DMXL1: variants seen among roughly 807,000 people sequenced by gnomAD.
DMXL1 encodes Dmx like 1.
Under a neutral mutation model 319.2 loss-of-function variants are expected in DMXL1, and 99 were observed. The ratio of observed to expected loss-of-function variants is 0.31; its 90% confidence interval spans 0.26 to 0.37. The LOEUF (loss-of-function observed/expected upper bound fraction) is 0.37. Ranked by LOEUF, DMXL1 falls within the 10% of genes least tolerant of loss-of-function variation. The pLI is 1.00. For missense variants in DMXL1, 3,745 were observed against 3,595.6 expected (o/e 1.04, Z -1.06); for synonymous variants, 1,385 against 1,235.2 (o/e 1.12, Z -2.54).
intron 1 of DMXL1, among the ~76,000 whole-genome samples, chr5:119,081,003 C>G (rs953648691): frequency 3.3e-5 from 5 of 152,194 alleles, no homozygotes; most frequent in Non-Finnish European, 5.9e-5. Flanking sequence ...AGATGATCTT[C>G]CTATTTGTAG....
intron 3 of DMXL1, among the ~76,000 whole-genome samples, chr5:119,102,975 T>C (rs557607885): frequency 1.1e-4 from 17 of 152,200 alleles, no homozygotes; most frequent in African/African-American, 3.6e-4. Context: ...TATTGGGTAC[T>C]GGGCTTAATA....
chr5:119,089,054 T>A (rs1030612581), intron 1 of DMXL1, among the ~76,000 whole-genome samples: 1 of 151,562 alleles, frequency 6.6e-6, no homozygotes, highest in Non-Finnish European at 1.5e-5. Flanking sequence ...TTTTTGCAAG[T>A]CTTAATGGTG....
rs955063500 is a variant in DMXL1, at chr5:119,088,898, T to C, written c.88-9081T>C. 3.9e-5 allele frequency among the ~76,000 whole-genome samples: 6 copies of C among 152,296 alleles called. 1 individual carries two copies. The highest frequency in any genetic ancestry group is 3.3e-4 in the Admixed American group (5 of 15,302). On this transcript the variant is annotated intron_variant, in intron 1 of 43. Transcript: ENST00000539542. ...TCTTTTGGGCTTCATAATAGAGTTA[T>C]GAATAGGTTACACACCACAATTACA... is the stretch of plus-strand genomic sequence containing the variant.
intron 12 of DMXL1, 27 bp from the exon 13 acceptor site, chr5:119,134,241 A>G (rs1240855269): frequency 6.9e-6 from 11 of 1,603,352 alleles, no homozygotes; most frequent in Non-Finnish European, 8.5e-6. Flanking sequence ...AAAGGGTGAA[A>G]TTTTAATATT....
At chr5:119,075,977 T>C (rs1561523544) in intron 1 of DMXL1, among the ~76,000 whole-genome samples, 3 of 152,228 alleles carry the variant, frequency 2.0e-5, no homozygotes, top group Admixed American at 6.5e-5. Flanking sequence ...ATGCATACTA[T>C]TGATATGATA....
At chr5:119,109,164 A>C (rs1759016374) in intron 4 of DMXL1, among the ~76,000 whole-genome samples, 1 of 152,188 alleles carries the variant, frequency 6.6e-6, no homozygotes, top group African/African-American at 2.4e-5. Context: ...TTAACCACAC[A>C]CTTATGGTTT....
At chr5:119,216,127 G>A (rs541044436) in intron 34 of DMXL1, among the ~76,000 whole-genome samples, 62 of 142,648 alleles carry the variant, frequency 4.3e-4, no homozygotes, top group Non-Finnish European at 7.8e-4. Context: ...AAAAAAGCAG[G>A]ATAATATGAA....
chr5:119,125,711 C>T (rs968662788), intron 9 of DMXL1, among the ~76,000 whole-genome samples: 1 of 152,004 alleles, frequency 6.6e-6, no homozygotes, highest in South Asian at 2.1e-4. Context: ...ACTACAGACG[C>T]CCGCCACCAC....
chr5:119,199,768 C>G (rs1188298745), intron 32 of DMXL1, among the ~76,000 whole-genome samples: 1 of 152,096 alleles, frequency 6.6e-6, no homozygotes, highest in African/African-American at 2.4e-5. Flanking sequence ...AAATGATAAC[C>G]ATTCTGACTG....
At chr5:119,175,188 T>C (rs1033692986) in intron 25 of DMXL1, 73 bp from the exon 26 acceptor site, 8 of 1,124,800 alleles carry the variant, frequency 7.1e-6, no homozygotes, top group Non-Finnish European at 1.0e-5. Context: ...AAATGCTGAT[T>C]ATATTAGGTC....
intron 32 of DMXL1, among the ~76,000 whole-genome samples, chr5:119,202,902 TATA>T (rs1781068552): frequency 6.9e-6 from 1 of 144,830 alleles, no homozygotes; most frequent in African/African-American, 2.5e-5. Flanking sequence ...TATATATATA[TATA>T]TTTATATATT....
intron 29 of DMXL1, among the ~76,000 whole-genome samples, chr5:119,191,565 G>C (rs1778704681): frequency 6.6e-6 from 1 of 152,074 alleles, no homozygotes; most frequent in Non-Finnish European, 1.5e-5. Flanking sequence ...AGGATTGTTG[G>C]TTAGCAAGGC....
intron 13 of DMXL1, among the ~76,000 whole-genome samples, chr5:119,138,423 A>G (rs1362496206): frequency 6.6e-6 from 1 of 152,200 alleles, no homozygotes; most frequent in Non-Finnish European, 1.5e-5. Flanking sequence ...CAAAAGACAT[A>G]GTAGGTTAGT....
At chr5:119,227,185 T>G (rs1174322640) in intron 38 of DMXL1, among the ~76,000 whole-genome samples, 3 of 152,194 alleles carry the variant, frequency 2.0e-5, no homozygotes, top group Non-Finnish European at 2.9e-5. Flanking sequence ...AGACCAAATA[T>G]GTATTTTATG....
Position 119,144,397 on chromosome 5 carries a change from C to T in DMXL1, c.2467-139C>T. 3 of 617,638 alleles carry T rather than the reference C, an allele frequency of 4.9e-6. No individual in the cohort carries two copies. In the South Asian group the frequency reaches 6.6e-5, roughly 14 times the overall value. The allele number at this position is 617,638 out of a possible 1,614,324, so 38.3% of individuals were successfully genotyped here. Reference sequence around the variant, plus strand: ...CATCTGTTTAATCTAATGGAGGTGCCATACGCTTACGTTCTGCTGAACTTT... The same window carrying T: ...CATCTGTTTAATCTAATGGAGGTGCTATACGCTTACGTTCTGCTGAACTTT... On this transcript the variant is annotated intron_variant, in intron 14 of 43. Coordinates refer to ENST00000539542, the MANE Select transcript of DMXL1 (RefSeq NM_001290321.3).
intron 2 of DMXL1, among the ~76,000 whole-genome samples, chr5:119,098,622 A>C (rs1756530531): frequency 6.6e-6 from 1 of 152,232 alleles, no homozygotes; most frequent in Non-Finnish European, 1.5e-5. Flanking sequence ...AAAAGTAGAA[A>C]GGTAACCTTG....
chr5:119,133,167 C>A lies in DMXL1; in HGVS notation c.1351C>A (p.Pro451Thr), dbSNP rs150186051. 2.8e-4 allele frequency: 450 copies of A among 1,614,044 alleles called. 2 individuals carry two copies. In the African/African-American group the frequency reaches 5.1e-3, roughly 18 times the overall value. ...TGGTGTTGATGATCTGAAAATAAAT[C>A]CCGAAAAGAAGGAATTAGGCTGTGA... The part of the protein sequence containing the change: ...DDGVDDLKIN[P>T]EKKELGCDKM... The change falls in exon 11 of 44, where the codon CCC (proline) becomes ACC (threonine). Residue 451 changes from proline to threonine, a missense_variant. Physicochemically the swap from Pro to Thr is conservative, Grantham distance 38 (BLOSUM62 -1). Transcript: ENST00000539542.
intron 2 of DMXL1, among the ~76,000 whole-genome samples, chr5:119,099,518 T>C (rs186852790): frequency 8.5e-4 from 129 of 152,340 alleles, no homozygotes; most frequent in African/African-American, 3.1e-3. Flanking sequence ...CCTTGAGATT[T>C]TTATTTTCAT....
chr5:119,197,710 CA>C (rs1364790324), intron 31 of DMXL1, 44 bp from the exon 32 acceptor site: 1 of 1,553,712 alleles, frequency 6.4e-7, no homozygotes, highest in African/African-American at 1.4e-5. Flanking sequence ...TTGAATATGG[CA>C]TTTTACTGCA....
Sources: gnomAD v4.1 joint callset for allele counts (sites outside exome capture counted in the v4.1 genomes callset) on GRCh38, gnomAD v4.1.1 for gene constraint, MANE v1.5 for transcripts, NCBI Gene and HGNC (gene_info 2026-07-23, HGNC 2026-07-21) for gene names.